Variants in STARD3NL observed in about 807,000 individuals in gnomAD.
STARD3NL encodes STARD3 N-terminal-like protein.
In STARD3NL, 17 loss-of-function variants were observed where a neutral mutation model predicts 30.9. The ratio of observed to expected loss-of-function variants is 0.55; its 90% CI spans 0.38 to 0.82. The LOEUF is 0.82. Ranked by LOEUF, STARD3NL falls within the 40% of genes least tolerant of loss-of-function variation. The pLI is 0.00. For missense variants in STARD3NL, 234 were observed against 277.6 expected (o/e 0.84, Z 1.12); for synonymous variants, 112 against 100.5 (o/e 1.11, Z -0.69).
At chr7:38,193,876 T>C (rs1784795866) in intron 1 of STARD3NL, among the ~76,000 whole-genome samples, 3 of 152,192 alleles carry the variant, frequency 2.0e-5, no homozygotes, top group South Asian at 2.1e-4. Context: ...GTTGCAATCT[T>C]TAATATTCTT....
In STARD3NL at chr7:38,217,221, C is replaced by G; in HGVS notation, c.469C>G (p.Pro157Ala). The change falls in exon 6 of 9, where the codon CCC (proline) becomes GCC (alanine). Residue 157 changes from proline to alanine, a missense_variant. Coordinates refer to ENST00000009041, the MANE Select transcript of STARD3NL (RefSeq NM_032016.4). Reference protein sequence around the residue: ...FSQGAFGYVLPIISFILAWIE... With the variant: ...FSQGAFGYVLAIISFILAWIE... ...TCAAGGGGCTTTTGGCTATGTGCTG[C>G]CCATCATTTCATTCATCCTTGCCTG... 1.2e-6 allele frequency: 2 copies of G among 1,614,060 alleles called. No individual in the cohort carries two copies. The highest frequency in any genetic ancestry group is 2.2e-5 in the South Asian group (2 of 91,086).
At position 38,217,198 on chromosome 7, in the gene STARD3NL, A is replaced by G. The variant is rs781042419; in HGVS notation, c.446A>G (p.Gln149Arg). Residue 149 changes from glutamine (Q) to arginine (R), a missense_variant, in exon 6 of 9, where the codon CAA becomes CGA. Physicochemically the swap from Gln to Arg is conservative, Grantham distance 43 (BLOSUM62 1). Coordinates refer to ENST00000009041, the MANE Select transcript of STARD3NL (RefSeq NM_032016.4). ...GGTCGTATTTTCCAGCTTTTCTCTCAAGGGGCTTTTGGCTATGTGCTGCCC... is the reference window on the plus strand; with the variant it reads ...GGTCGTATTTTCCAGCTTTTCTCTCGAGGGGCTTTTGGCTATGTGCTGCCC... The part of the protein sequence containing the change: ...AKVILSKLFS[Q>R]GAFGYVLPII... 40 of 1,613,854 alleles carry G rather than the reference A, an allele frequency of 2.5e-5. No homozygotes were observed. The highest frequency in any genetic ancestry group is 3.4e-5 in the Non-Finnish European group (40 of 1,179,934).
At chr7:38,180,530 G>T (rs1042059606) in intron 1 of STARD3NL, among the ~76,000 whole-genome samples, 1 of 152,138 alleles carries the variant, frequency 6.6e-6, no homozygotes, top group African/African-American at 2.4e-5. Flanking sequence ...TAGTACCTAC[G>T]ATATGCCAGG....
intron 1 of STARD3NL, chr7:38,201,638 G>A (rs985201598): frequency 6.6e-6 from 1 of 152,032 alleles, no homozygotes; most frequent in East Asian, 1.9e-4. Context: ...CATAATGTAG[G>A]ATATATTGTT....
At chr7:38,210,162 T>C (rs888046903) in intron 2 of STARD3NL, among the ~76,000 whole-genome samples, 5 of 152,192 alleles carry the variant, frequency 3.3e-5, no homozygotes, top group African/African-American at 1.2e-4. Flanking sequence ...TTTAAACATG[T>C]CTTTACATTT....
chr7:38,200,443 A>T (rs999466823), intron 1 of STARD3NL, among the ~76,000 whole-genome samples: 2 of 121,506 alleles, frequency 1.6e-5, no homozygotes, highest in African/African-American at 6.5e-5. Context: ...CTCAGGCTAA[A>T]CGTTCTATGT....
At chr7:38,199,958 G>A (rs1441584253) in intron 1 of STARD3NL, among the ~76,000 whole-genome samples, 1 of 152,160 alleles carries the variant, frequency 6.6e-6, no homozygotes, top group Admixed American at 6.5e-5. Flanking sequence ...AGAACCTGCA[G>A]CCACGGGCTT....
intron 1 of STARD3NL, among the ~76,000 whole-genome samples, chr7:38,206,333 T>C (rs1422274850): frequency 6.6e-6 from 1 of 152,190 alleles, no homozygotes; most frequent in Non-Finnish European, 1.5e-5. Flanking sequence ...CTGCCCACGT[T>C]ACATGCCACG....
At chr7:38,207,326 C>T in intron 1 of STARD3NL, 121 bp from the exon 2 acceptor site, 2 of 590,082 alleles carry the variant, frequency 3.4e-6, no homozygotes, top group Admixed American at 6.2e-5. Flanking sequence ...TTCATGAAAA[C>T]ATAAATCAGT....
intron 1 of STARD3NL, among the ~76,000 whole-genome samples, chr7:38,181,539 T>A (rs1784245541): frequency 6.6e-6 from 1 of 152,220 alleles, no homozygotes; most frequent in South Asian, 2.1e-4. Context: ...AATAACAGAC[T>A]AATAAATAGC....
In STARD3NL at chr7:38,224,791, C is replaced by A. The variant is rs1056281945; in HGVS notation, c.650-4008C>A. On this transcript the variant is annotated intron_variant, in intron 7 of 8. Transcript: ENST00000009041. ...GCCAAAGAGAAACCATAAAGTGCTT[C>A]CTTTAAGTGAAAAGGTGACAGTTCT... is the stretch of plus-strand genomic sequence containing the variant. Among the ~76,000 whole-genome samples the A allele has an allele frequency of 2.0e-5, 3 of 152,030 alleles. No homozygotes were observed. In the South Asian group the frequency reaches 6.2e-4, roughly 32 times the overall value.
At chr7:38,178,751 C>A (rs1426454851) in intron 1 of STARD3NL, among the ~76,000 whole-genome samples, 1 of 152,042 alleles carries the variant, frequency 6.6e-6, no homozygotes, top group South Asian at 2.1e-4. Flanking sequence ...CGGCCCCGGG[C>A]TGGCGCCATG....
At chr7:38,225,444 C>A (rs1256781072) in intron 7 of STARD3NL, among the ~76,000 whole-genome samples, 2 of 152,094 alleles carry the variant, frequency 1.3e-5, no homozygotes, top group Admixed American at 1.3e-4. Context: ...GCTACATTTT[C>A]TTCTAAAAGG....
intron 1 of STARD3NL, among the ~76,000 whole-genome samples, chr7:38,188,954 A>T (rs886831812): frequency 6.6e-6 from 1 of 152,226 alleles, no homozygotes; most frequent in African/African-American, 2.4e-5. Flanking sequence ...AATTTTTCTA[A>T]GTCATTGATG....
chr7:38,228,961 A>T, intron 8 of STARD3NL, 90 bp downstream of exon 8: 3 of 888,076 alleles, frequency 3.4e-6, no homozygotes, highest in Non-Finnish European at 5.1e-6. Flanking sequence ...AAAGAATAAG[A>T]GTGTAAGGAT....
intron 1 of STARD3NL, among the ~76,000 whole-genome samples, chr7:38,203,849 CTT>C (rs2116192066): frequency 6.6e-6 from 1 of 152,270 alleles, no homozygotes; most frequent in African/African-American, 2.4e-5. Context: ...ATAAAACAGA[CTT>C]TAAACCAAGA....
At chr7:38,184,080 C>T (rs988479300) in intron 1 of STARD3NL, among the ~76,000 whole-genome samples, 1 of 152,094 alleles carries the variant, frequency 6.6e-6, no homozygotes, top group African/African-American at 2.4e-5. Context: ...GAGAAGAAGA[C>T]ATGAACAATA....
intron 1 of STARD3NL, among the ~76,000 whole-genome samples, chr7:38,194,942 T>C (rs766941018): frequency 1.1e-4 from 16 of 152,150 alleles, no homozygotes; most frequent in Admixed American, 3.9e-4. Flanking sequence ...AACCTTTCAT[T>C]GTGATTATAA....
chr7:38,213,062 CTA>C (rs1785899597), intron 2 of STARD3NL, among the ~76,000 whole-genome samples: 2 of 152,162 alleles, frequency 1.3e-5, no homozygotes, highest in Admixed American at 1.3e-4. Flanking sequence ...TTGCAAAACT[CTA>C]TGGGCTGCTT....
Sources: allele counts gnomAD v4.1 joint callset (sites outside exome capture counted in the v4.1 genomes callset), GRCh38; gene constraint gnomAD v4.1.1; transcripts MANE v1.5; gene names NCBI Gene and HGNC (gene_info 2026-07-23, HGNC 2026-07-21).